ATXN1: variants seen among roughly 807,000 people sequenced by gnomAD.
The protein encoded by ATXN1 is ataxin-1.
ATXN1 carries 8 observed loss-of-function variants against 56.4 expected under a neutral mutation model. The ratio of observed to expected loss-of-function variants is 0.14; its 90% CI spans 0.08 to 0.26. The LOEUF is 0.26. ATXN1 is among the 10% of genes least tolerant of loss of function. The pLI, the probability that ATXN1 is intolerant of heterozygous loss-of-function variation, is 1.00. For missense variants in ATXN1, 987 were observed against 1,106.5 expected (o/e 0.89, Z 1.53); for synonymous variants, 514 against 494.6 (o/e 1.04, Z -0.52).
At chr6:16,501,274 G>C (rs1281247061) in intron 5 of ATXN1, among the ~76,000 whole-genome samples, 1 of 152,150 alleles carries the variant, frequency 6.6e-6, no homozygotes, top group African/African-American at 2.4e-5. Context: ...CCATTATTAT[G>C]CCATAAGGAA....
chr6:16,650,761 C>T (rs550079563), intron 3 of ATXN1, among the ~76,000 whole-genome samples: 3 of 152,158 alleles, frequency 2.0e-5, no homozygotes, highest in East Asian at 1.9e-4. Context: ...TCAAATAAGG[C>T]GAACGCTGAG....
At chr6:16,750,854 C>G (rs1760694402) in intron 2 of ATXN1, among the ~76,000 whole-genome samples, 2 of 152,122 alleles carry the variant, frequency 1.3e-5, no homozygotes, top group Admixed American at 1.3e-4. Flanking sequence ...AAACTATTTC[C>G]CCAAAGATCT....
At chr6:16,548,079 T>C (rs888381617) in intron 4 of ATXN1, among the ~76,000 whole-genome samples, 6 of 152,168 alleles carry the variant, frequency 3.9e-5, no homozygotes, top group African/African-American at 1.4e-4. Flanking sequence ...CTACTACACA[T>C]CTAGGCTACA....
chr6:16,363,017 T>C (rs889720703), intron 6 of ATXN1, among the ~76,000 whole-genome samples: 1 of 152,242 alleles, frequency 6.6e-6, no homozygotes, highest in Non-Finnish European at 1.5e-5. Context: ...ATAATCTATA[T>C]GTATGCTGTT....
In ATXN1 at chr6:16,548,154, G is replaced by A. The variant is rs1312191823; in HGVS notation, c.-360-25466C>T. Among the ~76,000 whole-genome samples the A allele has an allele frequency of 3.3e-5, 5 of 152,132 alleles. 1 individual carries two copies. The highest frequency in any genetic ancestry group is 6.5e-5 in the Admixed American group (1 of 15,268). On this transcript the variant is annotated intron_variant, in intron 4 of 7. Coordinates refer to ENST00000436367, the MANE Select transcript of ATXN1 (RefSeq NM_001128164.2). ...CATGATACTGTACTGAATACTGCAG[G>A]CAAATGTATTACAATGGTAAGTATT...
chr6:16,714,461 T>C (rs1409224980), intron 2 of ATXN1, among the ~76,000 whole-genome samples: 2 of 152,214 alleles, frequency 1.3e-5, no homozygotes, highest in Admixed American at 6.5e-5. Context: ...TGTTTTCCTT[T>C]TGAAATAGTG....
intron 7 of ATXN1, among the ~76,000 whole-genome samples, chr6:16,313,363 T>C (rs566244398): frequency 6.6e-6 from 1 of 152,256 alleles, no homozygotes; most frequent in African/African-American, 2.4e-5. Flanking sequence ...CTCCAGCCTG[T>C]GTGCCAGAGC....
chr6:16,684,926 G>A (rs991985201), intron 2 of ATXN1, among the ~76,000 whole-genome samples: 5 of 151,334 alleles, frequency 3.3e-5, no homozygotes, highest in South Asian at 2.1e-4. Flanking sequence ...GAGACTTCAC[G>A]GGAAACAAAT....
At chr6:16,710,938 G>T (rs930958381) in intron 2 of ATXN1, among the ~76,000 whole-genome samples, 3 of 145,342 alleles carry the variant, frequency 2.1e-5, no homozygotes, top group Non-Finnish European at 4.5e-5. Flanking sequence ...TGCCCAGGAT[G>T]GAATGCAATG....
intron 6 of ATXN1, among the ~76,000 whole-genome samples, chr6:16,377,729 C>T (rs1762172849): frequency 6.6e-6 from 1 of 152,156 alleles, no homozygotes; most frequent in Non-Finnish European, 1.5e-5. Context: ...ACAGAGAAGA[C>T]AAGATGTAAG....
chr6:16,689,257 G>A (rs1758987350), intron 2 of ATXN1, among the ~76,000 whole-genome samples: 1 of 152,084 alleles, frequency 6.6e-6, no homozygotes, highest in South Asian at 2.1e-4. Flanking sequence ...TATCAAAATG[G>A]GAAGGAGTGG....
intron 2 of ATXN1, among the ~76,000 whole-genome samples, chr6:16,661,706 C>A (rs1758323979): frequency 6.6e-6 from 1 of 152,182 alleles, no homozygotes; most frequent in South Asian, 2.1e-4. Context: ...CTTGCATCCT[C>A]TTCTGGGTTA....
chr6:16,698,092 C>A (rs1228876588), intron 2 of ATXN1, among the ~76,000 whole-genome samples: 1 of 152,204 alleles, frequency 6.6e-6, no homozygotes, highest in Non-Finnish European at 1.5e-5. Flanking sequence ...AGCAAGAGAT[C>A]ATGCACAGAG....
At chr6:16,607,634 G>A (rs1763035043) in intron 3 of ATXN1, among the ~76,000 whole-genome samples, 1 of 152,142 alleles carries the variant, frequency 6.6e-6, no homozygotes, top group African/African-American at 2.4e-5. Context: ...CATCTCTCTA[G>A]GCAACCATGG....
At chr6:16,463,526 A>C (rs1344929292) in intron 6 of ATXN1, among the ~76,000 whole-genome samples, 1 of 152,242 alleles carries the variant, frequency 6.6e-6, no homozygotes, top group African/African-American at 2.4e-5. Flanking sequence ...AGAAATAACA[A>C]AATCTATCCT....
At chr6:16,322,531 T>G (rs1234336544) in intron 7 of ATXN1, among the ~76,000 whole-genome samples, 2 of 152,142 alleles carry the variant, frequency 1.3e-5, no homozygotes, top group African/African-American at 4.8e-5. Flanking sequence ...CCAATCAAAT[T>G]TGTGATTTTG....
intron 4 of ATXN1, among the ~76,000 whole-genome samples, chr6:16,531,522 C>A (rs1761503129): frequency 6.6e-6 from 1 of 151,390 alleles, no homozygotes; most frequent in Non-Finnish European, 1.5e-5. Context: ...ACTCAGGAGG[C>A]TGAGGCAGGA....
intron 6 of ATXN1, among the ~76,000 whole-genome samples, chr6:16,359,412 G>C (rs996924027): frequency 3.9e-5 from 6 of 152,150 alleles, no homozygotes; most frequent in Non-Finnish European, 7.4e-5. Flanking sequence ...AGGGACAAAG[G>C]GGGCAGAGAG....
At position 16,704,305 on chromosome 6, in the gene ATXN1, T is replaced by G. The variant is rs535937373; in HGVS notation, c.-614-46404A>C. Among the ~76,000 whole-genome samples the G allele has an allele frequency of 3.3e-5, 5 of 151,530 alleles. No homozygotes were observed. The South Asian group carries it at 1.0e-3, about 32-fold the overall frequency. On this transcript the variant is annotated intron_variant, in intron 2 of 7. Transcript: ENST00000436367. ...TTTGCTGTTTTACGGAGCAGTTCCTTAACTATCATTGCCTCTGAACCCCCT... is the reference window on the plus strand; with the variant it reads ...TTTGCTGTTTTACGGAGCAGTTCCTGAACTATCATTGCCTCTGAACCCCCT...
Sources: allele counts gnomAD v4.1 joint callset (sites outside exome capture counted in the v4.1 genomes callset), GRCh38; gene constraint gnomAD v4.1.1; transcripts MANE v1.5; gene names NCBI Gene and HGNC (gene_info 2026-07-23, HGNC 2026-07-21).